GPN1: variants seen among roughly 807,000 people sequenced by gnomAD.
GPN1 encodes the protein ATP(GTP)-binding protein.
In GPN1, 44 loss-of-function variants were observed where a neutral mutation model predicts 55.9. The ratio of observed to expected loss-of-function variants is 0.79; its 90% CI spans 0.62 to 1.01. The LOEUF is 1.01. Ranked by LOEUF, GPN1 falls within the 50% of genes least tolerant of loss-of-function variation. The pLI is 0.00. For missense variants in GPN1, 466 were observed against 462.8 expected (o/e 1.01, Z -0.06); for synonymous variants, 179 against 162.5 (o/e 1.10, Z -0.77).
chr2:27,629,476 T>C, intron 1 of GPN1: 1 of 1,313,810 alleles, frequency 7.6e-7, no homozygotes, highest in Non-Finnish European at 1.1e-6. Context: ...ATTAATACAG[T>C]GCTAGCACAC....
At chr2:27,631,305 C>G (rs980736106) in intron 3 of GPN1, 9 of 535,310 alleles carry the variant, frequency 1.7e-5, no homozygotes, top group African/African-American at 1.5e-4. Flanking sequence ...GATAGGATAA[C>G]TGACAGCTAC....
chr2:27,641,319 TA>T (rs778067930), intron 11 of GPN1, 40 bp downstream of exon 11: 8 of 1,409,404 alleles, frequency 5.7e-6, no homozygotes, highest in Admixed American at 3.4e-5. Context: ...AAAGGGCCAT[TA>T]AAAAAACCCA....
chr2:27,628,536 T>G (rs1305959390), upstream of GPN1: 7 of 1,551,428 alleles, frequency 4.5e-6, no homozygotes, highest in Non-Finnish European at 6.1e-6. Context: ...GCTCCCGTAG[T>G]TTATTCGTTC....
At chr2:27,647,791 C>A (rs745838964) in intron 12 of GPN1, 45 bp from the exon 13 acceptor site, 1 of 1,105,736 alleles carries the variant, frequency 9.0e-7, no homozygotes, top group Admixed American at 1.7e-5. Context: ...GATTCAAGAT[C>A]ACCTTTTTGA....
chr2:27,629,977 G>T, intron 2 of GPN1, 25 bp downstream of exon 2: 3 of 1,247,520 alleles, frequency 2.4e-6, no homozygotes, highest in Non-Finnish European at 3.6e-6. Flanking sequence ...AACATAACTT[G>T]TGTGCAGTGC....
intron 9 of GPN1, 50 bp from the exon 10 acceptor site, chr2:27,639,992 TA>T (rs754509288): frequency 1.5e-5 from 18 of 1,175,474 alleles, no homozygotes; most frequent in Non-Finnish European, 1.8e-5. Context: ...TGTACTTCAT[TA>T]AAAAATATAC....
Position 27,632,667 on chromosome 2 carries a change from C to A in GPN1, c.347C>A (p.Ser116Tyr). Residue 116 changes from serine (S) to tyrosine (Y), a missense_variant, in exon 5 of 14, where the codon TCC becomes TAC. By Grantham distance (144) the Ser-to-Tyr change is moderately radical (BLOSUM62 -2). Coordinates refer to ENST00000610189, the MANE Select transcript of GPN1 (RefSeq NM_007266.4). ...MKFIEKAQNM[S>Y]KYVLIDTPGQ... is the part of the protein sequence containing the mutation. ...TTTATTGAGAAGGCCCAGAACATGT[C>A]CAAGTAAGTGATGTCAGTAACACCC... 6.3e-7 allele frequency: 1 copy of A among 1,588,340 alleles called. No individual in the cohort carries two copies. The highest frequency in any genetic ancestry group is 8.6e-7 in the Non-Finnish European group (1 of 1,156,602).
intron 12 of GPN1, among the ~76,000 whole-genome samples, chr2:27,642,956 T>TACACACACACAC (rs764872511): frequency 0.044 from 3,750 of 85,414 alleles, 65 homozygotes; most frequent in East Asian, 0.072. Context: ...TATATATATA[T>TACACACACACAC]ATACACACAC....
chr2:27,631,291 G>T, intron 3 of GPN1: 1 of 554,696 alleles, frequency 1.8e-6, no homozygotes, highest in Non-Finnish European at 3.2e-6. Context: ...AGAGCAGAGA[G>T]TATGATAGGA....
chr2:27,637,961 A>G (rs1673793699), intron 7 of GPN1, among the ~76,000 whole-genome samples: 1 of 152,234 alleles, frequency 6.6e-6, no homozygotes, highest in East Asian at 1.9e-4. Flanking sequence ...ATTTGGTTAA[A>G]AAACAAAACA....
intron 7 of GPN1, among the ~76,000 whole-genome samples, chr2:27,636,452 T>C (rs959007007): frequency 3.9e-5 from 6 of 152,198 alleles, no homozygotes; most frequent in Non-Finnish European, 5.9e-5. Context: ...AATCTGAAGA[T>C]TGACAGCATT....
At chr2:27,647,691 T>C (rs912366700) in intron 12 of GPN1, 145 bp from the exon 13 acceptor site, 2 of 586,790 alleles carry the variant, frequency 3.4e-6, no homozygotes, top group African/African-American at 3.7e-5. Context: ...TTAAGTGGTA[T>C]TAACAATACA....
In GPN1 at chr2:27,638,972, G is replaced by A. The variant is rs530882757; in HGVS notation, c.658G>A (p.Val220Ile). Residue 220 changes from valine (V) to isoleucine (I), a missense_variant, in exon 9 of 14, where the codon GTC (valine) becomes ATC (isoleucine). Transcript: ENST00000610189. ...TGCCTTGAATCAAGAGACTACATACGTCAGTAACCTGACTCGTTCAATGAG... is the reference window on the plus strand; with the variant it reads ...TGCCTTGAATCAAGAGACTACATACATCAGTAACCTGACTCGTTCAATGAG... ...QDALNQETTYVSNLTRSMSLV... is the reference protein window; with the variant it reads ...QDALNQETTYISNLTRSMSLV... The A allele has an allele frequency of 5.0e-6, 8 of 1,613,442 alleles. No individual in the cohort carries two copies. Among genetic ancestry groups the A allele is most frequent in the East Asian group, 2.2e-5 (1 of 44,874 alleles).
At chr2:27,635,544 C>A (rs554848240) in intron 7 of GPN1, among the ~76,000 whole-genome samples, 81 of 152,252 alleles carry the variant, frequency 5.3e-4, no homozygotes, top group Non-Finnish European at 9.7e-4. Flanking sequence ...AGATAAAGTC[C>A]TCTGGGCTGG....
In GPN1 at chr2:27,629,811, C is replaced by T. The variant is rs762006547; in HGVS notation, c.112-48C>T. 5 of 997,890 alleles carry T rather than the reference C, an allele frequency of 5.0e-6. No homozygotes were observed. In the South Asian group the frequency reaches 5.1e-5, roughly 10 times the overall value. The allele number at this position is 997,890 out of a possible 1,614,324, so 61.8% of individuals were successfully genotyped here. A position where few individuals can be genotyped will look rare whatever the true frequency, so the allele number is the denominator to read the frequency against. On this transcript the variant is annotated intron_variant, in intron 1 of 13. Coordinates refer to ENST00000610189, the MANE Select transcript of GPN1 (RefSeq NM_007266.4). ...GGTGTTAAAGGAATGGAAGTTCTCTCTTGTCCCCTCTTTGTCTCCTTCCAA... is the reference window on the plus strand; with the variant it reads ...GGTGTTAAAGGAATGGAAGTTCTCTTTTGTCCCCTCTTTGTCTCCTTCCAA...
rs1180936478 is a variant in GPN1, at chr2:27,647,850, G to A, written c.946G>A (p.Val316Met). ...TTTCACTGTAGACAGCTTATCTCCT[G>A]TGCTGCACCCTTCTGATTTGATCCT... The part of the protein sequence containing the change: ...AGTAKDSLSP[V>M]LHPSDLILTR... The change falls in exon 13 of 14, where the codon GTG becomes ATG. Residue 316 changes from valine to methionine, a missense_variant. Val to Met is a conservative substitution (Grantham distance 21, BLOSUM62 1). Coordinates refer to ENST00000610189, the MANE Select transcript of GPN1 (RefSeq NM_007266.4). 9 of 1,610,988 alleles carry A rather than the reference G, an allele frequency of 5.6e-6. No individual in the cohort carries two copies. The highest frequency in any genetic ancestry group is 5.9e-6 in the Non-Finnish European group (7 of 1,177,298).
At chr2:27,647,108 T>C (rs1211478638) in intron 12 of GPN1, among the ~76,000 whole-genome samples, 1 of 152,192 alleles carries the variant, frequency 6.6e-6, no homozygotes, top group African/African-American at 2.4e-5. Context: ...GTCATCCTCC[T>C]TTTTCAGGCC....
chr2:27,631,033 G>T lies in GPN1; in HGVS notation c.212G>T (p.Arg71Leu), dbSNP rs775567920. Residue 71 changes from arginine (R) to leucine (L), a missense_variant, in exon 3 of 14, where the codon CGT becomes CTT. By Grantham distance (102) the Arg-to-Leu change is moderately radical. Coordinates refer to ENST00000610189, the MANE Select transcript of GPN1 (RefSeq NM_007266.4). ...TTCTTTTTTTTCTCCTCAGATATTC[G>T]TGATACTGTAAAGTATAAAGAAGTA... ...EVPFPANIDI[R>L]DTVKYKEVMK... The T allele has an allele frequency of 3.0e-6, 4 of 1,351,172 alleles. No homozygotes were observed. The South Asian group carries it at 4.7e-5, about 16-fold the overall frequency. 83.7% of individuals were successfully genotyped at this position (1,351,172 alleles called of 1,614,324 possible).
At chr2:27,641,512 T>A (rs13408144) in intron 11 of GPN1, among the ~76,000 whole-genome samples, 1 of 152,118 alleles carries the variant, frequency 6.6e-6, no homozygotes, top group East Asian at 1.9e-4. Flanking sequence ...GTGCGGAAAG[T>A]CTCCTTAATG....
Sources: gnomAD v4.1 joint callset for allele counts (sites outside exome capture counted in the v4.1 genomes callset) on GRCh38, gnomAD v4.1.1 for gene constraint, MANE v1.5 for transcripts, NCBI Gene and HGNC (gene_info 2026-07-23, HGNC 2026-07-21) for gene names.